Variants in NYAP2 observed in about 807,000 individuals in gnomAD.
NYAP2 encodes neuronal tyrosine-phosphorylated phosphoinositide-3-kinase adapter 2.
NYAP2 carries 23 observed loss-of-function variants against 50.4 expected under a neutral mutation model. The ratio of observed to expected loss-of-function variants is 0.46; its 90% CI spans 0.33 to 0.65. The LOEUF (loss-of-function observed/expected upper bound fraction) is 0.65, where lower values mean the gene tolerates loss of function less well. Among genes scored for constraint, NYAP2 ranks in the 30% least tolerant of loss-of-function variants. The pLI is 0.02. For synonymous variants in NYAP2, 394 were observed against 365.2 expected, an observed-to-expected ratio of 1.08 and a Z score of -0.90; for missense variants, 885 against 861.0, an observed-to-expected ratio of 1.03 and a Z score of -0.35.
At chr2:225,693,020 ATTG>A in the NYAP2 span, among the ~76,000 whole-genome samples, 1 of 152,060 alleles carries the variant, frequency 6.6e-6, no homozygotes, top group Non-Finnish European at 1.5e-5. Context: ...TGTTTCTCCC[ATTG>A]TTAATATCTT....
At chr2:225,586,566 G>A (rs144182009) in intron 5 of NYAP2, among the ~76,000 whole-genome samples, 54 of 152,264 alleles carry the variant, frequency 3.5e-4, no homozygotes, top group East Asian at 3.1e-3. Flanking sequence ...TGTGTAAATG[G>A]TAAGCAGGTC....
At chr2:225,620,174 A>G (rs1411880453) in intron 5 of NYAP2, among the ~76,000 whole-genome samples, 2 of 152,252 alleles carry the variant, frequency 1.3e-5, no homozygotes, top group Non-Finnish European at 2.9e-5. Context: ...AGATATATGG[A>G]TATGGATAAA....
intron 2 of NYAP2, 56 bp from the exon 3 acceptor site, chr2:225,408,808 G>T: frequency 1.1e-6 from 1 of 912,586 alleles, no homozygotes; most frequent in Non-Finnish European, 1.8e-6. Flanking sequence ...ATAATAAACA[G>T]CACCTTGCTT....
At chr2:225,560,952 G>GTTT (rs1691861202) in intron 4 of NYAP2, among the ~76,000 whole-genome samples, 1 of 138,336 alleles carries the variant, frequency 7.2e-6, no homozygotes, top group Non-Finnish European at 1.6e-5. Flanking sequence ...TTTTTTTGGT[G>GTTT]GCTTCTCATG....
At chr2:225,626,281 CA>C (rs1347556962) in intron 5 of NYAP2, among the ~76,000 whole-genome samples, 1 of 152,044 alleles carries the variant, frequency 6.6e-6, no homozygotes, top group Non-Finnish European at 1.5e-5. Context: ...TCCTTGAGGA[CA>C]AAAATCAGAA....
chr2:225,703,354 G>T, the NYAP2 span: 5 of 151,598 alleles, frequency 3.3e-5, no homozygotes, highest in African/African-American at 1.2e-4. Context: ...AGAAATGTCA[G>T]GTATGTGCCT....
chr2:225,685,428 A>G, the NYAP2 span, among the ~76,000 whole-genome samples: 2 of 152,164 alleles, frequency 1.3e-5, no homozygotes. Context: ...CCTTCAGGGA[A>G]TATCTCTTTA....
In NYAP2 at chr2:225,513,411, G is replaced by A. The variant is rs369073404; in HGVS notation, c.262G>A (p.Val88Met). The A allele has an allele frequency of 5.1e-5, 83 of 1,613,864 alleles. 1 individual carries two copies. Among genetic ancestry groups the A allele is most frequent in the South Asian group, 1.8e-4 (16 of 91,088 alleles). The change falls in exon 4 of 7, where the codon GTG (valine) becomes ATG (methionine). Residue 88 changes from valine to methionine, a missense_variant. Physicochemically the swap from Val to Met is conservative, Grantham distance 21. Transcript: ENST00000636099. ...AGGGCGAGGCCACGAAGGAAGTTAC[G>A]TGGGCAAACATTTCCGCATGGGATT...
intron 4 of NYAP2, among the ~76,000 whole-genome samples, chr2:225,546,485 G>A (rs947036440): frequency 6.6e-6 from 1 of 152,068 alleles, no homozygotes; most frequent in African/African-American, 2.4e-5. Flanking sequence ...TCCACATGGT[G>A]GGTACTGTCA....
At chr2:225,414,962 G>A (rs748509784) in intron 3 of NYAP2, among the ~76,000 whole-genome samples, 5 of 152,088 alleles carry the variant, frequency 3.3e-5, no homozygotes, top group Non-Finnish European at 7.4e-5. Flanking sequence ...TCTACCATAG[G>A]TAAGGGTAGG....
downstream of NYAP2, among the ~76,000 whole-genome samples, chr2:225,658,512 A>G (rs1407807239): frequency 5.9e-5 from 9 of 152,254 alleles, no homozygotes; most frequent in Admixed American, 5.9e-4. Flanking sequence ...GAAATGTGGA[A>G]TAAATTCATG....
intron 3 of NYAP2, among the ~76,000 whole-genome samples, chr2:225,423,714 C>T (rs74441126): frequency 0.078 from 11,809 of 152,130 alleles, 500 homozygotes; most frequent in African/African-American, 0.11. Flanking sequence ...ATTTTAGTGA[C>T]AGGCTCATAA....
intron 2 of NYAP2, among the ~76,000 whole-genome samples, chr2:225,406,911 T>C (rs997759039): frequency 1.3e-5 from 2 of 151,976 alleles, no homozygotes; most frequent in Non-Finnish European, 2.9e-5. Flanking sequence ...GTCATTTTGG[T>C]TGGAGGAAAA....
At chr2:225,629,585 G>A (rs543462091) in intron 6 of NYAP2, among the ~76,000 whole-genome samples, 99 of 152,260 alleles carry the variant, frequency 6.5e-4, no homozygotes, top group African/African-American at 2.3e-3. Flanking sequence ...TTTGGCTTAC[G>A]GTTCTGCAGG....
chr2:225,656,815 T>A (rs1343448473), downstream of NYAP2, among the ~76,000 whole-genome samples: 1 of 152,074 alleles, frequency 6.6e-6, no homozygotes, highest in Non-Finnish European at 1.5e-5. Flanking sequence ...CAGCGCAAAG[T>A]GAGGCCCTCA....
At chr2:225,431,084 A>G (rs1254652496) in intron 3 of NYAP2, among the ~76,000 whole-genome samples, 1 of 152,240 alleles carries the variant, frequency 6.6e-6, no homozygotes, top group Non-Finnish European at 1.5e-5. Context: ...TACATTAAAC[A>G]TGTTCAAATA....
At chr2:225,601,805 A>T (rs1692695323) in intron 5 of NYAP2, among the ~76,000 whole-genome samples, 1 of 152,182 alleles carries the variant, frequency 6.6e-6, no homozygotes, top group South Asian at 2.1e-4. Context: ...ATCAGATATA[A>T]TATGATTTGG....
At chr2:225,538,677 T>C (rs949858221) in intron 4 of NYAP2, among the ~76,000 whole-genome samples, 2 of 152,236 alleles carry the variant, frequency 1.3e-5, no homozygotes, top group Non-Finnish European at 2.9e-5. Flanking sequence ...CCCATTGTCT[T>C]GGGGATTAAT....
intron 3 of NYAP2, among the ~76,000 whole-genome samples, chr2:225,455,254 A>G (rs1479658220): frequency 2.6e-5 from 4 of 152,222 alleles, no homozygotes; most frequent in East Asian, 1.9e-4. Context: ...TTAAGCCACT[A>G]AGTTCTGATA....
Sources: allele counts gnomAD v4.1 joint callset (sites outside exome capture counted in the v4.1 genomes callset), GRCh38; gene constraint gnomAD v4.1.1; transcripts MANE v1.5; gene names NCBI Gene and HGNC (gene_info 2026-07-23, HGNC 2026-07-21).